MEGF6: variants seen among roughly 807,000 people sequenced by gnomAD.
MEGF6 encodes multiple EGF like domains 6, also known as multiple epidermal growth factor-like domains protein 6.
A neutral mutation model predicts 207.1 loss-of-function variants in MEGF6; 184 were observed. The ratio of observed to expected loss-of-function variants is 0.89; its 90% confidence interval spans 0.79 to 1.00. MEGF6 has a LOEUF of 1.00. MEGF6 is among the 50% of genes least tolerant of loss of function. The probability of loss-of-function intolerance (pLI) is 0.00; values close to 1 mark genes in which losing one functional copy is unlikely to be tolerated. For synonymous variants in MEGF6, 1,038 were observed against 910.0 expected, an observed-to-expected ratio of 1.14 and a Z score of -2.53; for missense variants, 2,282 against 2,202.9, an observed-to-expected ratio of 1.04 and a Z score of -0.72.
chr1:3,508,374 G>T (rs1641197810), intron 13 of MEGF6, among the ~76,000 whole-genome samples, 184 bp downstream of exon 13: 1 of 152,218 alleles, frequency 6.6e-6, no homozygotes, highest in East Asian at 1.9e-4. Context: ...GCGTGGCATA[G>T]AGTGGACAGT....
chr1:3,563,894 A>G (rs1302064060), intron 4 of MEGF6, among the ~76,000 whole-genome samples: 3 of 152,130 alleles, frequency 2.0e-5, no homozygotes, highest in Non-Finnish European at 2.9e-5. Flanking sequence ...GAGAGGCCAG[A>G]GCCTGCCCCT....
chr1:3,498,379 C>T lies in MEGF6; in HGVS notation c.3344G>A (p.Cys1115Tyr), dbSNP rs769222885. The change falls in exon 26 of 37, where the codon TGT (cysteine) becomes TAT (tyrosine). Residue 1115 changes from cysteine to tyrosine, a missense_variant. Coordinates refer to ENST00000356575, the MANE Select transcript of MEGF6 (RefSeq NM_001409.4). ...TGCCCCGCCCCACTCACGGCTCTGA[C>T]ACTTGTCCCCAGTCCAGCCGGCTGG... ...LCPAGWTGDK[C>Y]QSPCLRGWFG... 48 of 1,601,986 alleles carry T rather than the reference C, an allele frequency of 3.0e-5. No homozygotes were observed. Among genetic ancestry groups the T allele is most frequent in the South Asian group, 1.8e-4 (16 of 90,698 alleles).
chr1:3,488,229 T>A lies in MEGF6; in HGVS notation c.*2299A>T, dbSNP rs1640218050. 6.6e-6 allele frequency among the ~76,000 whole-genome samples: 1 copy of A among 152,228 alleles called. No individual in the cohort carries two copies. The highest frequency in any genetic ancestry group is 2.1e-4 in the South Asian group (1 of 4,832). The stretch of plus-strand genomic sequence containing the variant: ...GAGCGTGTTTTCTAGTTATTCTGCT[T>A]TATTTTCCTCTGCTCCTGACCGCCG... On this transcript the variant is annotated 3_prime_UTR_variant, in exon 37 of 37. Transcript: ENST00000356575.
chr1:3,532,443 T>C (rs1398443969), intron 4 of MEGF6, among the ~76,000 whole-genome samples: 1 of 152,178 alleles, frequency 6.6e-6, no homozygotes, highest in African/African-American at 2.4e-5. Context: ...TCAGCAGTGA[T>C]CCCTGCCTGG....
At chr1:3,497,393 A>C (rs1236740725) in intron 26 of MEGF6, 32 bp from the exon 27 acceptor site, 1 of 1,500,348 alleles carries the variant, frequency 6.7e-7, no homozygotes, top group Non-Finnish European at 8.9e-7. Flanking sequence ...GGAGGCTTCT[A>C]GGAGGGGCCC....
intron 5 of MEGF6, among the ~76,000 whole-genome samples, chr1:3,523,083 G>GGA (rs1553195926): frequency 6.6e-6 from 1 of 151,980 alleles, no homozygotes; most frequent in African/African-American, 2.4e-5. Context: ...CCGGGGGGGG[G>GGA]GCCCCAGGGC....
At chr1:3,504,243 CCAA>C (rs1347995127) in intron 17 of MEGF6, among the ~76,000 whole-genome samples, 10 of 152,304 alleles carry the variant, frequency 6.6e-5, no homozygotes, top group African/African-American at 2.4e-4. Flanking sequence ...TCTCTCCCGG[CCAA>C]TGGGCGTGGA....
chr1:3,573,955 C>T lies in MEGF6; in HGVS notation c.481+5870G>A, dbSNP rs1175923151. On this transcript the variant is annotated intron_variant, in intron 4 of 36. Transcript: ENST00000356575. The surrounding 1 kb of genome is among the most constrained non-coding windows in gnomAD (Gnocchi z 5.1). ...AAACGGGCTCAGGACACCACCCAGT[C>T]CTAGCCACCCAACCTTCTCCAAGGC... Among the ~76,000 whole-genome samples the T allele has an allele frequency of 5.3e-5, 8 of 152,178 alleles. No individual in the cohort carries two copies. Among genetic ancestry groups the T allele is most frequent in the Admixed American group, 5.2e-4 (8 of 15,290 alleles).
At chr1:3,585,252 T>C (rs530105250) in intron 3 of MEGF6, among the ~76,000 whole-genome samples, 36 of 125,442 alleles carry the variant, frequency 2.9e-4, no homozygotes, top group Middle Eastern at 6.3e-3. Flanking sequence ...GTGAGTGACA[T>C]ATGTCCTGTG....
At chr1:3,545,509 T>A (rs1029968940) in intron 4 of MEGF6, among the ~76,000 whole-genome samples, 1 of 151,576 alleles carries the variant, frequency 6.6e-6, no homozygotes, top group Non-Finnish European at 1.5e-5. Flanking sequence ...ATACCTGGAG[T>A]GGACAAGGGT....
Position 3,584,316 on chromosome 1 carries a change from C to T in MEGF6, c.377-4387G>A, listed in dbSNP as rs1489722354. 3.9e-5 allele frequency among the ~76,000 whole-genome samples: 6 copies of T among 152,354 alleles called. No homozygotes were observed. In the East Asian group the frequency reaches 9.6e-4, roughly 24 times the overall value. ...GGGACTGGATTCCTCTCCAGGGACT[C>T]GGTTCCTGCAGGTGAAGACCTTGGG... On this transcript the variant is annotated intron_variant, in intron 3 of 36. Coordinates refer to ENST00000356575, the MANE Select transcript of MEGF6 (RefSeq NM_001409.4).
chr1:3,515,642 C>T (rs1641516167), intron 5 of MEGF6, 115 bp from the exon 6 acceptor site: 7 of 1,251,524 alleles, frequency 5.6e-6, no homozygotes, highest in Non-Finnish European at 7.8e-6. Flanking sequence ...TGTAGGACCC[C>T]TCCCAGCCAC....
Position 3,546,181 on chromosome 1 carries a change from CCCTCCTCGG to C in MEGF6, c.482-21944_482-21936del, listed in dbSNP as rs898807375. ...GGACAGCTTGGGGCCCCCACTGCCA[CCCTCCTCGG>C]CCTCCTCCCCCACCTCAATCCTAAT... On this transcript the variant is annotated intron_variant, in intron 4 of 36. Transcript: ENST00000356575. Among the ~76,000 whole-genome samples, 7 of 152,206 alleles carry C rather than the reference CCCTCCTCGG, an allele frequency of 4.6e-5. 1 individual carries two copies. The highest frequency in any genetic ancestry group is 1.7e-4 in the African/African-American group (7 of 41,452).
intron 4 of MEGF6, among the ~76,000 whole-genome samples, chr1:3,549,062 C>T (rs997591153): frequency 6.6e-6 from 1 of 152,184 alleles, no homozygotes; most frequent in African/African-American, 2.4e-5. Context: ...CTGCGGGCGC[C>T]GCCTCCACCC....
intron 1 of MEGF6, among the ~76,000 whole-genome samples, chr1:3,603,432 G>A (rs560790697): frequency 2.6e-5 from 4 of 152,200 alleles, no homozygotes; most frequent in East Asian, 1.9e-4. Context: ...AGGCAAATTC[G>A]GGGGGAGAGG....
At chr1:3,512,850 A>T (rs1641401741) in intron 7 of MEGF6, among the ~76,000 whole-genome samples, 2 of 152,206 alleles carry the variant, frequency 1.3e-5, no homozygotes, top group African/African-American at 4.8e-5. Context: ...CCTGGTCTGG[A>T]CACACACCGC....
At position 3,499,156 on chromosome 1, in the gene MEGF6, C is replaced by T; in HGVS notation, c.3076G>A (p.Gly1026Arg). Residue 1026 changes from glycine (G) to arginine (R), a missense_variant, in exon 24 of 37, where the codon GGG (glycine) becomes AGG (arginine). Physicochemically the swap from Gly to Arg is moderately radical, Grantham distance 125. Transcript: ENST00000356575. ...GGCTTACCCTGCAGGCAGGAGGGCC[C>T]CATCCAGCCAGGGGCACAGTGGCAC... ...GQCHCAPGWM[G>R]PSCLQACPAG... 1 of 1,604,206 alleles carries T rather than the reference C, an allele frequency of 6.2e-7. No individual in the cohort carries two copies. The highest frequency in any genetic ancestry group is 1.9e-4 in the Middle Eastern group (1 of 5,302).
rs987755130 is a variant in MEGF6 at position 3,594,621 on chromosome 1, C to T, written c.376+717G>A. On this transcript the variant is annotated intron_variant, in intron 3 of 36. Coordinates refer to ENST00000356575, the MANE Select transcript of MEGF6 (RefSeq NM_001409.4). The surrounding 1 kb of genome is among the most constrained non-coding windows in gnomAD (Gnocchi z 4.2). ...AGGGAGGGACACTGACCCCTTTGCCCAGGCGGTTTCACTGGCGGGGCTTCT... is the reference window on the plus strand; with the variant it reads ...AGGGAGGGACACTGACCCCTTTGCCTAGGCGGTTTCACTGGCGGGGCTTCT... 6.6e-6 allele frequency among the ~76,000 whole-genome samples: 1 copy of T among 152,130 alleles called. No individual in the cohort carries two copies. The highest frequency in any genetic ancestry group is 1.5e-5 in the Non-Finnish European group (1 of 68,026).
chr1:3,539,483 T>G lies in MEGF6; in HGVS notation c.482-15237A>C, dbSNP rs376008354. Among the ~76,000 whole-genome samples the G allele has an allele frequency of 2.3e-3, 353 of 152,128 alleles. 2 individuals are homozygous for G. Among genetic ancestry groups the G allele is most frequent in the African/African-American group, 7.8e-3 (323 of 41,482 alleles). On this transcript the variant is annotated intron_variant, in intron 4 of 36. Transcript: ENST00000356575. ...CCTCGGCCCTGCCAGGAGGGAATGG[T>G]GGGTTCCACTCTTAGGAGGCACAGG...
Sources: gnomAD v4.1 joint callset for allele counts (sites outside exome capture counted in the v4.1 genomes callset) on GRCh38, gnomAD v4.1.1 for gene constraint, Gnocchi (gnomAD v3.1) non-coding constraint, MANE v1.5 for transcripts, NCBI Gene and HGNC (gene_info 2026-07-23, HGNC 2026-07-21) for gene names.